The following PDZD9 variants were observed in gnomAD, a reference collection of about 807,000 sequenced individuals.
The protein encoded by PDZD9 is PDZ domain-containing protein 9.
Under a neutral mutation model 16.3 loss-of-function variants are expected in PDZD9, and 13 were observed. The observed-to-expected ratio is 0.80, with a 90% confidence interval of 0.52 to 1.27. The LOEUF (loss-of-function observed/expected upper bound fraction) is 1.27. PDZD9 is among the 50% of genes most tolerant of loss of function. The probability of loss-of-function intolerance (pLI) is 0.00; values close to 1 mark genes in which losing one functional copy is unlikely to be tolerated. For missense variants in PDZD9, 288 were observed against 310.9 expected (o/e 0.93, Z 0.55); for synonymous variants, 120 against 111.0 (o/e 1.08, Z -0.51).
Position 21,996,969 on chromosome 16 carries a change from T to A in PDZD9, c.32-468A>T, listed in dbSNP as rs558200744. Among the ~76,000 whole-genome samples, 5 of 152,274 alleles carry A rather than the reference T, an allele frequency of 3.3e-5. No homozygotes were observed. The South Asian group carries it at 1.0e-3, about 32-fold the overall frequency. Reference sequence around the variant, plus strand: ...TCCTAAGTAGCTGGGACTACTGGCATGTGCTACTATACACGGCTAATTTTT... The same window carrying A: ...TCCTAAGTAGCTGGGACTACTGGCAAGTGCTACTATACACGGCTAATTTTT... On this transcript the variant is annotated intron_variant, in intron 1 of 3. Coordinates refer to ENST00000424898, the MANE Select transcript of PDZD9 (RefSeq NM_001363519.1).
chr16:21,968,443 C>T, the PDZD9 span: 1 of 452,600 alleles, frequency 2.2e-6, no homozygotes. Context: ...GGTTCTAGTT[C>T]TTTTAAGCAA....
At chr16:21,972,894 G>A in the PDZD9 span, among the ~76,000 whole-genome samples, 2 of 152,244 alleles carry the variant, frequency 1.3e-5, no homozygotes, top group African/African-American at 2.4e-5. Context: ...AAGGTCAGGA[G>A]ATCAAGACCA....
chr16:21,968,712 C>A, the PDZD9 span: 1 of 1,590,110 alleles, frequency 6.3e-7, no homozygotes, highest in Admixed American at 1.8e-5. Flanking sequence ...GCCTGCCTGT[C>A]AGTTTGCTTC....
At chr16:21,962,995 A>C in the PDZD9 span, 1 of 1,342,240 alleles carries the variant, frequency 7.5e-7, no homozygotes, top group Non-Finnish European at 9.8e-7. Context: ...ATTTTTATTT[A>C]TTTATTGTTT....
chr16:21,961,317 T>G, the PDZD9 span: 1 of 448,790 alleles, frequency 2.2e-6, no homozygotes, highest in African/African-American at 2.0e-5. Context: ...GATCTAAGTG[T>G]CCATCTTTAG....
chr16:21,964,843 C>G, the PDZD9 span, among the ~76,000 whole-genome samples: 4 of 152,128 alleles, frequency 2.6e-5, no homozygotes, highest in African/African-American at 9.7e-5. Flanking sequence ...CACAGTGCCT[C>G]GCATAGGCAA....
chr16:21,998,677 G>A (rs1899211052), intron 1 of PDZD9, among the ~76,000 whole-genome samples: 1 of 150,858 alleles, frequency 6.6e-6, no homozygotes, highest in African/African-American at 2.4e-5. Context: ...GGGTGACAGG[G>A]CGAGACTCTG....
chr16:21,975,048 A>G, the PDZD9 span, among the ~76,000 whole-genome samples: 26 of 152,238 alleles, frequency 1.7e-4, no homozygotes, highest in African/African-American at 6.3e-4. Context: ...TAGTACAGTC[A>G]GTCAGCACTG....
At position 21,988,708 on chromosome 16, in the gene PDZD9, T is replaced by C. The variant is rs761506445; in HGVS notation, c.295A>G (p.Ile99Val). 63 of 1,612,668 alleles carry C rather than the reference T, an allele frequency of 3.9e-5. No individual in the cohort carries two copies. The highest frequency in any genetic ancestry group is 5.3e-5 in the Non-Finnish European group (62 of 1,178,932). Residue 99 changes from isoleucine to valine, a missense_variant, in exon 3 of 4, where the codon ATT becomes GTT. Coordinates refer to ENST00000424898, the MANE Select transcript of PDZD9 (RefSeq NM_001363519.1). Reference sequence around the variant, plus strand: ...ACCTTGATTTGTAGCACTGTTCCAATAGTGATATGTTGCAAAAGCTGTAAA... The same window carrying C: ...ACCTTGATTTGTAGCACTGTTCCAACAGTGATATGTTGCAAAAGCTGTAAA... ...EFLQLLQHIT[I>V]GTVLQIKVYR...
chr16:21,973,937 T>A, the PDZD9 span: 1 of 1,612,764 alleles, frequency 6.2e-7, no homozygotes, highest in Non-Finnish European at 8.5e-7. Context: ...CTGGACTCTT[T>A]GGGATTTATA....
chr16:21,983,049 T>C, downstream of PDZD9: 1 of 1,590,160 alleles, frequency 6.3e-7, no homozygotes, highest in Non-Finnish European at 8.6e-7. Flanking sequence ...TATATATTTT[T>C]ATTTTTGTTA....
At chr16:21,971,012 A>C in the PDZD9 span, among the ~76,000 whole-genome samples, 3 of 151,880 alleles carry the variant, frequency 2.0e-5, no homozygotes, top group Non-Finnish European at 4.4e-5. Flanking sequence ...ATCTGCAAAT[A>C]TTTTCCTGCA....
At chr16:21,982,951 G>T, downstream of PDZD9, 1 of 763,390 alleles carries the variant, frequency 1.3e-6, no homozygotes, top group Non-Finnish European at 2.0e-6. Context: ...GTGACAGAGC[G>T]AGACTCCACC....
At chr16:21,959,356 AC>A in the PDZD9 span, 1 of 277,330 alleles carries the variant, frequency 3.6e-6, no homozygotes, top group Non-Finnish European at 7.3e-6. Context: ...AGCATCTTCA[AC>A]CAGGAGCAGA....
At chr16:21,990,638 A>G (rs1440631476) in intron 2 of PDZD9, among the ~76,000 whole-genome samples, 1 of 152,248 alleles carries the variant, frequency 6.6e-6, no homozygotes, top group Non-Finnish European at 1.5e-5. Flanking sequence ...GAGGTTAATT[A>G]CAATGGCAAA....
the PDZD9 span, among the ~76,000 whole-genome samples, chr16:21,969,099 T>A: frequency 1.3e-5 from 2 of 152,274 alleles, no homozygotes; most frequent in Non-Finnish European, 2.9e-5. Flanking sequence ...ATTAAGAAAA[T>A]TTTAATCTGT....
At position 22,001,008 on chromosome 16, in the gene PDZD9, C is replaced by T. The variant is rs965182718; in HGVS notation, c.31+9G>A. 2.2e-5 allele frequency: 33 copies of T among 1,533,496 alleles called. No homozygotes were observed. In the African/African-American group the frequency reaches 3.8e-4, roughly 18 times the overall value. The allele number at this position is 1,533,496 out of a possible 1,614,324, so 95.0% of individuals were successfully genotyped here. A position where few individuals can be genotyped will look rare whatever the true frequency, so the allele number is the denominator to read the frequency against. On this transcript the variant is annotated intron_variant, in intron 1 of 3. Coordinates refer to ENST00000424898, the MANE Select transcript of PDZD9 (RefSeq NM_001363519.1). ...GGGCTTCTTCACCCGCTTCCTTCTC[C>T]CCAGTTACCTTTTTTGTTTTTGTGG... is the stretch of plus-strand genomic sequence containing the variant.
At chr16:21,997,435 G>A (rs1427643842) in intron 1 of PDZD9, among the ~76,000 whole-genome samples, 1 of 152,204 alleles carries the variant, frequency 6.6e-6, no homozygotes, top group African/African-American at 2.4e-5. Flanking sequence ...GGAGGGGGAG[G>A]CAGGAGGAGC....
At chr16:21,970,758 G>A in the PDZD9 span, among the ~76,000 whole-genome samples, 3 of 151,964 alleles carry the variant, frequency 2.0e-5, no homozygotes, top group African/African-American at 4.8e-5. Flanking sequence ...GCTAATTTTT[G>A]TAATTTTAAT....
Sources: allele counts gnomAD v4.1 joint callset (sites outside exome capture counted in the v4.1 genomes callset), GRCh38; gene constraint gnomAD v4.1.1; transcripts MANE v1.5; gene names NCBI Gene and HGNC (gene_info 2026-07-23, HGNC 2026-07-21).